The following CCM2 variants were observed in gnomAD, a reference collection of about 807,000 sequenced individuals.
CCM2 encodes cerebral cavernous malformations 2 protein.
In CCM2, 25 loss-of-function variants were observed where a neutral mutation model predicts 44.9. That is an observed-to-expected ratio of 0.56 (90% CI 0.41 to 0.78). CCM2 has a LOEUF of 0.78. Ranked by LOEUF, CCM2 falls within the 30% of genes least tolerant of loss-of-function variation. The pLI, the probability that CCM2 is intolerant of heterozygous loss-of-function variation, is 0.00. For synonymous variants in CCM2, 219 were observed against 241.1 expected, an observed-to-expected ratio of 0.91 and a Z score of 0.85; for missense variants, 481 against 580.6, an observed-to-expected ratio of 0.83 and a Z score of 1.76.
chr7:45,002,506 T>G (rs2128709562), intron 1 of CCM2, among the ~76,000 whole-genome samples: 1 of 152,126 alleles, frequency 6.6e-6, no homozygotes, highest in South Asian at 2.1e-4. Context: ...GTGGGCCTTT[T>G]TTTTTTTTTT....
chr7:45,035,861 AGAG>A (rs752569635), intron 1 of CCM2, among the ~76,000 whole-genome samples: 1 of 152,190 alleles, frequency 6.6e-6, no homozygotes, highest in African/African-American at 2.4e-5. Flanking sequence ...CAGTGGAAGA[AGAG>A]ATAAATTTTA....
rs549575421 is a variant in CCM2 at position 45,072,484 on chromosome 7, C to T, written c.746-242C>T. 123 of 614,784 alleles carry T rather than the reference C, an allele frequency of 2.0e-4. 1 individual carries two copies. Among genetic ancestry groups the T allele is most frequent in the Admixed American group, 1.4e-3 (57 of 41,416 alleles). The allele number at this position is 614,784 out of a possible 1,614,324, so 38.1% of individuals were successfully genotyped here. On this transcript the variant is annotated intron_variant, in intron 6 of 9. Coordinates refer to ENST00000258781, the MANE Select transcript of CCM2 (RefSeq NM_031443.4). ...TGGGTGAATGTGTACTTCAGCCCAGCGTGCAGCAGGATTTGCATTTGCCAG... is the reference window on the plus strand; with the variant it reads ...TGGGTGAATGTGTACTTCAGCCCAGTGTGCAGCAGGATTTGCATTTGCCAG...
intron 1 of CCM2, among the ~76,000 whole-genome samples, chr7:45,028,501 C>T (rs996237219): frequency 1.3e-5 from 2 of 151,984 alleles, no homozygotes; most frequent in African/African-American, 4.8e-5. Context: ...ACTAAAAATA[C>T]AAAAAAATTG....
At position 45,068,343 on chromosome 7, in the gene CCM2, G is replaced by A. The variant is rs566721822; in HGVS notation, c.473-100G>A. 5.3e-6 allele frequency: 8 copies of A among 1,502,706 alleles called. No individual in the cohort carries two copies. The South Asian group carries it at 6.8e-5, about 13-fold the overall frequency. 93.1% of individuals were successfully genotyped at this position (1,502,706 alleles called of 1,614,324 possible). A position where few individuals can be genotyped will look rare whatever the true frequency, so the allele number is the denominator to read the frequency against. On this transcript the variant is annotated intron_variant, in intron 4 of 9. Transcript: ENST00000258781. ...CTGTGGGTGCCTGAGCCAGGTAAAG[G>A]TCCTCTCAGCCTGTTTCCATGGCGG...
chr7:45,005,667 C>G (rs1213226243), intron 1 of CCM2, among the ~76,000 whole-genome samples: 2 of 152,234 alleles, frequency 1.3e-5, no homozygotes, highest in Non-Finnish European at 2.9e-5. Flanking sequence ...AGTGAGATAA[C>G]TTGGTCATGC....
chr7:45,061,519 G>T (rs1798521030), intron 2 of CCM2, among the ~76,000 whole-genome samples: 1 of 146,218 alleles, frequency 6.8e-6, no homozygotes, highest in African/African-American at 2.6e-5. Context: ...GGAAACTGGA[G>T]TGCAGTGGCA....
chr7:45,002,285 A>G (rs1035468019), intron 1 of CCM2, among the ~76,000 whole-genome samples: 9 of 152,254 alleles, frequency 5.9e-5, no homozygotes, highest in African/African-American at 2.2e-4. Context: ...CAAAAAATGC[A>G]GAATTAGGCT....
At chr7:45,042,533 T>C (rs1203612739) in intron 2 of CCM2, among the ~76,000 whole-genome samples, 2 of 152,022 alleles carry the variant, frequency 1.3e-5, no homozygotes, top group South Asian at 2.1e-4. Context: ...ATCTTGAAAG[T>C]GGCAAGAAAG....
At chr7:45,032,349 C>T (rs1295556337) in intron 1 of CCM2, among the ~76,000 whole-genome samples, 2 of 152,074 alleles carry the variant, frequency 1.3e-5, no homozygotes, top group African/African-American at 2.4e-5. Context: ...TCCTCTGAAG[C>T]GCCTTGGCAT....
At chr7:45,074,132 T>A in intron 8 of CCM2, 138 bp from the exon 9 acceptor site, 1 of 1,526,424 alleles carries the variant, frequency 6.6e-7, no homozygotes, top group Non-Finnish European at 8.8e-7. Context: ...GTGGTCATTC[T>A]GATGCCCCAG....
At chr7:45,050,408 T>C (rs1484913331) in intron 2 of CCM2, among the ~76,000 whole-genome samples, 1 of 152,222 alleles carries the variant, frequency 6.6e-6, no homozygotes, top group Non-Finnish European at 1.5e-5. Context: ...GTGCAACTAA[T>C]ACTGCCATAT....
chr7:45,012,130 C>CTTTTT (rs60568953), intron 1 of CCM2, among the ~76,000 whole-genome samples: 1 of 94,090 alleles, frequency 1.1e-5, no homozygotes, highest in African/African-American at 3.8e-5. Context: ...ATCATAATAT[C>CTTTTT]TTTTTTTTTT....
intron 1 of CCM2, 95 bp downstream of exon 1, chr7:45,000,458 G>GC (rs1554353546): frequency 1.9e-4 from 61 of 318,736 alleles, no homozygotes; most frequent in South Asian, 1.4e-3. Context: ...GGGGCCCGGG[G>GC]GGGGGGGCAG....
At chr7:45,018,764 CTTTT>C (rs531985553) in intron 1 of CCM2, among the ~76,000 whole-genome samples, 2 of 139,842 alleles carry the variant, frequency 1.4e-5, no homozygotes, top group Non-Finnish European at 3.1e-5. Flanking sequence ...TTAAGAATTT[CTTTT>C]TTTTTTTTTT....
chr7:45,003,039 A>T (rs1172686048), intron 1 of CCM2, among the ~76,000 whole-genome samples: 1 of 152,122 alleles, frequency 6.6e-6, no homozygotes, highest in Non-Finnish European at 1.5e-5. Flanking sequence ...GCTCCTACCT[A>T]CGGTATGGAC....
intron 1 of CCM2, among the ~76,000 whole-genome samples, chr7:45,005,728 C>G (rs1425620008): frequency 6.6e-6 from 1 of 152,180 alleles, no homozygotes; most frequent in Non-Finnish European, 1.5e-5. Flanking sequence ...GGACATTGCA[C>G]TTTGGAAAGT....
chr7:45,039,031 A>C (rs1429640065), intron 2 of CCM2, among the ~76,000 whole-genome samples: 1 of 152,242 alleles, frequency 6.6e-6, no homozygotes, highest in Non-Finnish European at 1.5e-5. Context: ...GAAACCGCTG[A>C]GGGTGAGATG....
chr7:45,063,921 T>C lies in CCM2; in HGVS notation c.208T>C (p.Leu70=), dbSNP rs1304934336. ...TTTTTTCTTCACTTTCTTTCAGTAT[T>C]TAGGTCAGTTAACGTCCATACCAGG... ...SDYIEKEVKY[L]GQLTSIPGYL... The change falls in exon 3 of 10, where the codon TTA becomes CTA. Residue 70 remains leucine (L), a synonymous_variant. Transcript: ENST00000258781. The C allele has an allele frequency of 6.2e-7, 1 of 1,607,360 alleles. No individual in the cohort carries two copies. The highest frequency in any genetic ancestry group is 8.5e-7 in the Non-Finnish European group (1 of 1,173,936).
At chr7:45,022,995 C>T (rs1796540800) in intron 1 of CCM2, among the ~76,000 whole-genome samples, 1 of 152,040 alleles carries the variant, frequency 6.6e-6, no homozygotes, top group Admixed American at 6.5e-5. Flanking sequence ...CCAGCCTCGG[C>T]CTCCCAAAGT....
Sources: gnomAD v4.1 joint callset for allele counts (sites outside exome capture counted in the v4.1 genomes callset) on GRCh38, gnomAD v4.1.1 for gene constraint, MANE v1.5 for transcripts, NCBI Gene and HGNC (gene_info 2026-07-23, HGNC 2026-07-21) for gene names.